The following UBE3D variants were observed in gnomAD, a reference collection of about 807,000 sequenced individuals.
UBE3D encodes ubiquitin protein ligase E3D.
In UBE3D, 48 loss-of-function variants were observed where a neutral mutation model predicts 49.6. The observed-to-expected ratio is 0.97, with a 90% CI of 0.77 to 1.23. The LOEUF is 1.23. Among genes scored for constraint, UBE3D ranks in the 50% most tolerant of loss-of-function variants. The pLI, the probability that UBE3D is intolerant of heterozygous loss-of-function variation, is 0.00. For missense variants in UBE3D, 452 were observed against 468.4 expected (o/e 0.96, Z 0.32); for synonymous variants, 189 against 174.2 (o/e 1.08, Z -0.67).
At chr6:82,948,596 T>C (rs377645846) in intron 9 of UBE3D, among the ~76,000 whole-genome samples, 2 of 152,122 alleles carry the variant, frequency 1.3e-5, no homozygotes, top group East Asian at 3.9e-4. Flanking sequence ...CTCTAAAGAA[T>C]ATTGATTTAG....
chr6:83,027,434 CA>C (rs61225462), intron 5 of UBE3D, among the ~76,000 whole-genome samples: 436 of 34,584 alleles, frequency 0.013, no homozygotes, highest in African/African-American at 0.04. Flanking sequence ...GACTCCGTCT[CA>C]AAAAAAAAAA....
chr6:82,912,649 T>C (rs1215299950), intron 9 of UBE3D, among the ~76,000 whole-genome samples: 2 of 152,158 alleles, frequency 1.3e-5, no homozygotes, highest in South Asian at 2.1e-4. Flanking sequence ...TCCTGAAATA[T>C]AGAAATAAAG....
downstream of UBE3D, among the ~76,000 whole-genome samples, chr6:82,887,474 C>A (rs1453913937): frequency 1.4e-5 from 2 of 146,906 alleles, no homozygotes; most frequent in Non-Finnish European, 1.5e-5. Flanking sequence ...TTTGGGAGGC[C>A]GAGGCAGGCA....
At chr6:82,986,653 T>C (rs1778532969) in intron 8 of UBE3D, among the ~76,000 whole-genome samples, 1 of 149,224 alleles carries the variant, frequency 6.7e-6, no homozygotes, top group South Asian at 2.1e-4. Context: ...ATATATATTT[T>C]ACACATATGT....
At chr6:83,051,480 C>G (rs896101403) in intron 3 of UBE3D, among the ~76,000 whole-genome samples, 1 of 152,112 alleles carries the variant, frequency 6.6e-6, no homozygotes, top group Non-Finnish European at 1.5e-5. Flanking sequence ...AATAATGAAC[C>G]AGCATATCCT....
At chr6:83,028,889 C>T (rs895605642) in intron 5 of UBE3D, among the ~76,000 whole-genome samples, 1 of 152,128 alleles carries the variant, frequency 6.6e-6, no homozygotes, top group Non-Finnish European at 1.5e-5. Context: ...AGATACAGTA[C>T]TGTTGGTTGT....
chr6:82,945,963 T>C (rs984774708), intron 9 of UBE3D, among the ~76,000 whole-genome samples: 6 of 151,568 alleles, frequency 4.0e-5, no homozygotes, highest in Non-Finnish European at 2.9e-5. Flanking sequence ...TCAAAGGAGA[T>C]AAAAACACAA....
chr6:83,009,080 G>A (rs1329407177), intron 8 of UBE3D, among the ~76,000 whole-genome samples: 1 of 152,106 alleles, frequency 6.6e-6, no homozygotes, highest in Non-Finnish European at 1.5e-5. Context: ...AAGTAATAAG[G>A]CAGGTGCATC....
intron 8 of UBE3D, among the ~76,000 whole-genome samples, chr6:82,995,047 C>A (rs2127737203): frequency 6.6e-6 from 1 of 152,116 alleles, no homozygotes; most frequent in Admixed American, 6.5e-5. Flanking sequence ...AAGAAGAAGG[C>A]AGGGAGAATC....
At chr6:82,926,364 T>C (rs1479817727) in intron 9 of UBE3D, among the ~76,000 whole-genome samples, 1 of 152,154 alleles carries the variant, frequency 6.6e-6, no homozygotes, top group Non-Finnish European at 1.5e-5. Flanking sequence ...CATTCACCTA[T>C]AGAAGAGACT....
chr6:82,899,217 G>C (rs1278632432), intron 9 of UBE3D, among the ~76,000 whole-genome samples: 1 of 152,074 alleles, frequency 6.6e-6, no homozygotes, highest in Non-Finnish European at 1.5e-5. Flanking sequence ...AAAAAGGAAG[G>C]ACCAAACAAA....
chr6:82,933,001 G>T (rs887539091), intron 9 of UBE3D, among the ~76,000 whole-genome samples: 8 of 152,060 alleles, frequency 5.3e-5, no homozygotes, highest in Admixed American at 4.6e-4. Context: ...CTTTAATTTT[G>T]TGTATCCAGG....
chr6:83,044,955 G>T (rs929552740), intron 3 of UBE3D, among the ~76,000 whole-genome samples: 3 of 152,168 alleles, frequency 2.0e-5, no homozygotes, highest in African/African-American at 7.2e-5. Context: ...CACGAAGTTT[G>T]AGAATCGTGA....
At chr6:82,987,806 T>C (rs1778624563) in intron 8 of UBE3D, among the ~76,000 whole-genome samples, 1 of 152,204 alleles carries the variant, frequency 6.6e-6, no homozygotes, top group Non-Finnish European at 1.5e-5. Flanking sequence ...ATGTAAAAAC[T>C]GAAAACAATT....
intron 4 of UBE3D, among the ~76,000 whole-genome samples, chr6:83,041,111 G>A (rs576414899): frequency 1.3e-5 from 2 of 152,098 alleles, no homozygotes; most frequent in East Asian, 3.9e-4. Flanking sequence ...AAAAACTAAG[G>A]GCTTTATTAA....
intron 5 of UBE3D, chr6:83,032,354 GT>G (rs545693703): frequency 1.9e-4 from 86 of 444,390 alleles, no homozygotes; most frequent in African/African-American, 1.5e-3. Flanking sequence ...GAGCTTTAAG[GT>G]TTGACTACTT....
At position 82,968,695 on chromosome 6, in the gene UBE3D, C is replaced by A. The variant is rs568206446; in HGVS notation, c.1011-11245G>T. Among the ~76,000 whole-genome samples, 3 of 152,224 alleles carry A rather than the reference C, an allele frequency of 2.0e-5. No homozygotes were observed. The South Asian group carries it at 6.2e-4, about 32-fold the overall frequency. The stretch of plus-strand genomic sequence containing the variant: ...GAGTACTCTTTGCCCCATACTCCTG[C>A]CAACAGTGAACTAACAGTTGGGGTT... On this transcript the variant is annotated intron_variant, in intron 8 of 9. Transcript: ENST00000369747.
intron 8 of UBE3D, among the ~76,000 whole-genome samples, chr6:82,979,782 CCA>C (rs1265082479): frequency 1.3e-5 from 2 of 152,034 alleles, no homozygotes; most frequent in African/African-American, 4.8e-5. Context: ...ATCTATCATT[CCA>C]CACTCTATGT....
intron 8 of UBE3D, among the ~76,000 whole-genome samples, chr6:82,992,048 C>A: frequency 6.6e-6 from 1 of 152,054 alleles, no homozygotes. Context: ...ATTACATTTT[C>A]TTTTGTTTTA....
Sources: gnomAD v4.1 joint callset for allele counts (sites outside exome capture counted in the v4.1 genomes callset) on GRCh38, gnomAD v4.1.1 for gene constraint, MANE v1.5 for transcripts, NCBI Gene and HGNC (gene_info 2026-07-23, HGNC 2026-07-21) for gene names.